Variants in POC1A observed in about 807,000 individuals in gnomAD.
POC1A encodes the protein POC1 centriolar protein A.
POC1A carries 34 observed loss-of-function variants against 47.8 expected under a neutral mutation model. The observed-to-expected ratio is 0.71, with a 90% CI of 0.54 to 0.95. The LOEUF (loss-of-function observed/expected upper bound fraction) is 0.95, where lower values mean the gene tolerates loss of function less well. Among genes scored for constraint, POC1A ranks in the 40% least tolerant of loss-of-function variants. The pLI is 0.00. For missense variants in POC1A, 466 were observed against 528.3 expected (o/e 0.88, Z 1.16); for synonymous variants, 177 against 207.6 (o/e 0.85, Z 1.27).
At chr3:52,092,900 T>G (rs1378845408) in intron 10 of POC1A, among the ~76,000 whole-genome samples, 1 of 152,226 alleles carries the variant, frequency 6.6e-6, no homozygotes, top group East Asian at 1.9e-4. Context: ...CTGGGAAGGC[T>G]GGGGGAAGCT....
At chr3:52,098,991 C>A (rs1702908217) in intron 9 of POC1A, among the ~76,000 whole-genome samples, 1 of 152,234 alleles carries the variant, frequency 6.6e-6, no homozygotes, top group Non-Finnish European at 1.5e-5. Flanking sequence ...AGTGCAGGCT[C>A]TTCCCGGACA....
chr3:52,123,127 C>T (rs2107095315), intron 8 of POC1A, among the ~76,000 whole-genome samples: 1 of 152,322 alleles, frequency 6.6e-6, no homozygotes, highest in Non-Finnish European at 1.5e-5. Flanking sequence ...GTGAGGCTCA[C>T]AGGAGACAGC....
chr3:52,116,332 A>T (rs932857710), intron 9 of POC1A, among the ~76,000 whole-genome samples: 2 of 152,228 alleles, frequency 1.3e-5, no homozygotes, highest in Non-Finnish European at 2.9e-5. Context: ...GTATCAGAGG[A>T]ACTAGGAAGA....
intron 10 of POC1A, among the ~76,000 whole-genome samples, chr3:52,076,248 G>A (rs762537193): frequency 8.5e-5 from 13 of 152,194 alleles, no homozygotes; most frequent in Non-Finnish European, 1.3e-4. Flanking sequence ...AAACTAGATG[G>A]CAGGTCCCAT....
At chr3:52,105,724 C>A (rs143709004) in intron 9 of POC1A, among the ~76,000 whole-genome samples, 11 of 152,332 alleles carry the variant, frequency 7.2e-5, no homozygotes, top group African/African-American at 2.4e-4. Flanking sequence ...AAGAGAAATT[C>A]TGCTTTCCTA....
intron 10 of POC1A, among the ~76,000 whole-genome samples, chr3:52,094,134 C>G (rs1456719235): frequency 6.6e-6 from 1 of 152,216 alleles, no homozygotes; most frequent in Non-Finnish European, 1.5e-5. Context: ...CAGCACAATT[C>G]ACATGGATGA....
intron 10 of POC1A, among the ~76,000 whole-genome samples, chr3:52,078,344 C>G (rs945863350): frequency 6.6e-6 from 1 of 151,848 alleles, no homozygotes; most frequent in African/African-American, 2.4e-5. Context: ...CATTAGAATG[C>G]TGTCTGGCAC....
intron 1 of POC1A, among the ~76,000 whole-genome samples, chr3:52,152,848 A>G (rs954385586): frequency 2.0e-5 from 3 of 152,250 alleles, no homozygotes; most frequent in Non-Finnish European, 4.4e-5. Context: ...TGAAGTGCTG[A>G]TGCTTGCTGC....
At chr3:52,102,525 C>T (rs1272998204) in intron 9 of POC1A, among the ~76,000 whole-genome samples, 3 of 152,196 alleles carry the variant, frequency 2.0e-5, no homozygotes, top group Non-Finnish European at 4.4e-5. Flanking sequence ...ACTTGTCATT[C>T]AATTTAGGAC....
rs375990844 is a variant in POC1A, at chr3:52,122,905, C to T, written c.883-428G>A. 1.8e-4 allele frequency among the ~76,000 whole-genome samples: 27 copies of T among 152,352 alleles called. 1 individual carries two copies. In the South Asian group the frequency reaches 5.2e-3, roughly 29 times the overall value. Reference sequence around the variant, plus strand: ...ATCAGAGTAGGGAGTTATTTAATCCCCTTTTCATTGTTTATCATCTGCCTC... The same window carrying T: ...ATCAGAGTAGGGAGTTATTTAATCCTCTTTTCATTGTTTATCATCTGCCTC... On this transcript the variant is annotated intron_variant, in intron 8 of 10. Coordinates refer to ENST00000296484, the MANE Select transcript of POC1A (RefSeq NM_015426.5).
intron 7 of POC1A, among the ~76,000 whole-genome samples, chr3:52,134,399 A>C (rs1704355995): frequency 6.6e-6 from 1 of 152,210 alleles, no homozygotes; most frequent in African/African-American, 2.4e-5. Flanking sequence ...TGGGAGGCTG[A>C]GGCAGGTGGA....
intron 9 of POC1A, among the ~76,000 whole-genome samples, chr3:52,118,056 G>C (rs1347296148): frequency 6.6e-6 from 1 of 152,180 alleles, no homozygotes; most frequent in African/African-American, 2.4e-5. Context: ...CTAGACCCTT[G>C]AAAACACGAG....
chr3:52,099,020 G>A (rs371925803), intron 9 of POC1A, among the ~76,000 whole-genome samples: 1 of 152,216 alleles, frequency 6.6e-6, no homozygotes, highest in East Asian at 1.9e-4. Flanking sequence ...CCTCTGGCAG[G>A]TGACATTGAC....
At chr3:52,128,590 T>C (rs1254162133) in intron 7 of POC1A, among the ~76,000 whole-genome samples, 1 of 152,210 alleles carries the variant, frequency 6.6e-6, no homozygotes, top group Non-Finnish European at 1.5e-5. Context: ...TGGGCTCTGC[T>C]GTGGGCCAAA....
chr3:52,083,705 A>G (rs1447926737), intron 10 of POC1A, among the ~76,000 whole-genome samples: 4 of 152,120 alleles, frequency 2.6e-5, no homozygotes, highest in Non-Finnish European at 5.9e-5. Flanking sequence ...GTGTCTGGCC[A>G]CCTGGGACTG....
intron 7 of POC1A, among the ~76,000 whole-genome samples, chr3:52,134,068 TG>T (rs1704342908): frequency 6.6e-6 from 1 of 152,100 alleles, no homozygotes; most frequent in African/African-American, 2.4e-5. Flanking sequence ...AGCAGCAAGA[TG>T]GGGACACAAG....
At chr3:52,087,897 C>T (rs1256869841) in intron 10 of POC1A, among the ~76,000 whole-genome samples, 4 of 152,130 alleles carry the variant, frequency 2.6e-5, no homozygotes, top group Non-Finnish European at 4.4e-5. Context: ...AGTGTCTGAC[C>T]GGGATAGGCC....
At chr3:52,112,258 A>G (rs568116913) in intron 9 of POC1A, among the ~76,000 whole-genome samples, 2 of 152,248 alleles carry the variant, frequency 1.3e-5, no homozygotes, top group African/African-American at 4.8e-5. Flanking sequence ...GGCTCATGCA[A>G]TTCTCCCGCC....
chr3:52,108,969 G>A (rs1703285104), intron 9 of POC1A, among the ~76,000 whole-genome samples: 1 of 152,180 alleles, frequency 6.6e-6, no homozygotes, highest in Admixed American at 6.5e-5. Flanking sequence ...CCAGGAAGGA[G>A]CGAGGAGCTC....
Sources: gnomAD v4.1 joint callset for allele counts (sites outside exome capture counted in the v4.1 genomes callset) on GRCh38, gnomAD v4.1.1 for gene constraint, MANE v1.5 for transcripts, NCBI Gene and HGNC (gene_info 2026-07-23, HGNC 2026-07-21) for gene names.